PDE4D: variants seen among roughly 807,000 people sequenced by gnomAD.
The protein encoded by PDE4D is 3',5'-cyclic-AMP phosphodiesterase 4D.
Under a neutral mutation model 87.4 loss-of-function variants are expected in PDE4D, and 24 were observed. The ratio of observed to expected loss-of-function variants is 0.27; its 90% CI spans 0.20 to 0.39. PDE4D has a LOEUF of 0.39. PDE4D is among the 10% of genes least tolerant of loss of function. The pLI, the probability that PDE4D is intolerant of heterozygous loss-of-function variation, is 1.00. For missense variants in PDE4D, 714 were observed against 1,041.0 expected (o/e 0.69, Z 4.32); for synonymous variants, 384 against 383.2 (o/e 1.00, Z -0.02).
chr5:59,149,099 T>C (rs1779095962), intron 5 of PDE4D, among the ~76,000 whole-genome samples: 1 of 152,034 alleles, frequency 6.6e-6, no homozygotes, highest in Non-Finnish European at 1.5e-5. Context: ...TGTTAATTAT[T>C]CCCCTCCTCC....
At chr5:60,136,013 A>T (rs1324459503) in intron 2 of PDE4D, among the ~76,000 whole-genome samples, 2 of 152,188 alleles carry the variant, frequency 1.3e-5, no homozygotes, top group Non-Finnish European at 2.9e-5. Flanking sequence ...TTCATTGTAC[A>T]GGATATTCCA....
At chr5:59,726,559 C>T (rs141360531) in intron 1 of PDE4D, among the ~76,000 whole-genome samples, 4 of 152,178 alleles carry the variant, frequency 2.6e-5, no homozygotes, top group African/African-American at 9.6e-5. Flanking sequence ...AACATGCTGG[C>T]ACCCTAATTT....
At chr5:59,785,959 G>T (rs1241795986) in intron 1 of PDE4D, among the ~76,000 whole-genome samples, 2 of 151,580 alleles carry the variant, frequency 1.3e-5, no homozygotes, top group African/African-American at 4.9e-5. Context: ...TTATGAGTTT[G>T]TTGAGTGCCA....
At chr5:59,993,646 TA>T (rs1483692825) in intron 2 of PDE4D, among the ~76,000 whole-genome samples, 1 of 152,148 alleles carries the variant, frequency 6.6e-6, no homozygotes, top group African/African-American at 2.4e-5. Flanking sequence ...ATATTGGTAA[TA>T]ATTTTGTTTT....
At chr5:60,488,540 A>G (rs938057023), upstream of PDE4D, 2 of 151,790 alleles carry the variant, frequency 1.3e-5, no homozygotes, top group Non-Finnish European at 1.5e-5. Context: ...TCCTATTCTA[A>G]TCGTGTGCAG....
chr5:59,025,297 A>G (rs1755999210), intron 6 of PDE4D, among the ~76,000 whole-genome samples: 1 of 152,098 alleles, frequency 6.6e-6, no homozygotes, highest in South Asian at 2.1e-4. Context: ...TTTTTTCCCT[A>G]AAGATTGAAA....
chr5:59,383,800 T>C (rs1443611757), intron 1 of PDE4D, among the ~76,000 whole-genome samples: 3 of 152,210 alleles, frequency 2.0e-5, no homozygotes, highest in African/African-American at 7.2e-5. Flanking sequence ...CCTACATATT[T>C]ATCACACAAA....
chr5:60,165,298 A>G lies in PDE4D; in HGVS notation c.42+20259T>C, dbSNP rs1249219047. Among the ~76,000 whole-genome samples, 4 of 152,246 alleles carry G rather than the reference A, an allele frequency of 2.6e-5. No individual in the cohort carries two copies. The East Asian group carries it at 5.8e-4, about 22-fold the overall frequency. The stretch of plus-strand genomic sequence containing the variant: ...CCATTGTGTGTTCTTGGCACTTTTG[A>G]CAAAACTCAGTTGGCTACAAATGTG... On this transcript the variant is annotated intron_variant, in intron 2 of 16. Coordinates refer to the PDE4D transcript ENST00000502484.
chr5:60,002,315 G>A (rs1439256870), intron 2 of PDE4D, among the ~76,000 whole-genome samples: 1 of 151,622 alleles, frequency 6.6e-6, no homozygotes, highest in Non-Finnish European at 1.5e-5. Context: ...GGACCATGTG[G>A]CAACAAGGGT....
chr5:59,133,758 G>A (rs543428988), intron 5 of PDE4D, among the ~76,000 whole-genome samples: 11 of 152,202 alleles, frequency 7.2e-5, no homozygotes, highest in African/African-American at 1.9e-4. Flanking sequence ...CTTAGCGTGG[G>A]CAATGGCCTC....
chr5:60,173,794 TGGG>T (rs1395547923), intron 2 of PDE4D, among the ~76,000 whole-genome samples: 1 of 152,050 alleles, frequency 6.6e-6, no homozygotes, highest in Non-Finnish European at 1.5e-5. Context: ...AGAACCATCT[TGGG>T]GAGAAAAAAT....
At chr5:60,110,435 C>G (rs1777558228) in intron 2 of PDE4D, among the ~76,000 whole-genome samples, 1 of 151,824 alleles carries the variant, frequency 6.6e-6, no homozygotes, top group Non-Finnish European at 1.5e-5. Flanking sequence ...CATCACTAAT[C>G]ATCAAAACCA....
At chr5:59,207,857 T>C (rs887697882) in intron 2 of PDE4D, among the ~76,000 whole-genome samples, 4 of 116,456 alleles carry the variant, frequency 3.4e-5, no homozygotes, top group African/African-American at 7.0e-5. Context: ...ATTTTTAGAG[T>C]TTTTTTTTTC....
intron 1 of PDE4D, among the ~76,000 whole-genome samples, chr5:59,836,615 G>GACGT (rs1554095456): frequency 9.8e-6 from 1 of 102,472 alleles, no homozygotes; most frequent in Non-Finnish European, 1.9e-5. Flanking sequence ...CCACTTCCAA[G>GACGT]ATGTATCTAT....
chr5:59,769,994 T>G (rs1763282658), intron 1 of PDE4D, among the ~76,000 whole-genome samples: 1 of 152,244 alleles, frequency 6.6e-6, no homozygotes, highest in Non-Finnish European at 1.5e-5. Flanking sequence ...AAGTGTACTC[T>G]GAGGTTCTAT....
At chr5:60,106,153 A>T in intron 2 of PDE4D, among the ~76,000 whole-genome samples, 1 of 151,834 alleles carries the variant, frequency 6.6e-6, no homozygotes, top group East Asian at 1.9e-4. Flanking sequence ...AAATAAAAGG[A>T]TGGAGGAAGA....
intron 1 of PDE4D, among the ~76,000 whole-genome samples, chr5:59,417,079 C>T (rs983889634): frequency 9.9e-5 from 15 of 152,038 alleles, no homozygotes; most frequent in Admixed American, 6.6e-5. Flanking sequence ...TACTTTACTC[C>T]TTTTTAATTT....
At chr5:59,341,132 G>C (rs543775745) in intron 1 of PDE4D, among the ~76,000 whole-genome samples, 27 of 152,192 alleles carry the variant, frequency 1.8e-4, no homozygotes, top group African/African-American at 6.0e-4. Context: ...CACAGCTCAA[G>C]TGCTCTATGG....
upstream of PDE4D, among the ~76,000 whole-genome samples, chr5:60,491,708 G>T (rs1749541530): frequency 6.6e-6 from 1 of 151,946 alleles, no homozygotes; most frequent in Admixed American, 6.6e-5. Flanking sequence ...CTTAATATTT[G>T]ATGCTAAAAC....
Sources: gnomAD v4.1 joint callset for allele counts (sites outside exome capture counted in the v4.1 genomes callset) on GRCh38, gnomAD v4.1.1 for gene constraint, MANE v1.5 for transcripts, NCBI Gene and HGNC (gene_info 2026-07-23, HGNC 2026-07-21) for gene names.